The following LRRCC1 variants were observed in gnomAD, a reference collection of about 807,000 sequenced individuals.
LRRCC1 encodes leucine rich repeat and coiled-coil centrosomal protein 1.
In LRRCC1, 115 loss-of-function variants were observed where a neutral mutation model predicts 126.0. The observed-to-expected ratio is 0.91, with a 90% CI of 0.78 to 1.07. The LOEUF is 1.07. Among genes scored for constraint, LRRCC1 ranks in the 50% least tolerant of loss-of-function variants. The probability of loss-of-function intolerance (pLI) is 0.00; values close to 1 mark genes in which losing one functional copy is unlikely to be tolerated. For missense variants in LRRCC1, 1,172 were observed against 1,175.7 expected, an observed-to-expected ratio of 1.00 and a Z score of 0.05; for synonymous variants, 400 against 393.4, an observed-to-expected ratio of 1.02 and a Z score of -0.20.
chr8:85,134,609 C>T (rs1328658874), intron 12 of LRRCC1, among the ~76,000 whole-genome samples: 3 of 152,264 alleles, frequency 2.0e-5, no homozygotes, highest in Admixed American at 6.5e-5. Context: ...CATCAGCCAC[C>T]GCGCCCAGCC....
At position 85,145,414 on chromosome 8, in the gene LRRCC1, G is replaced by A. The variant is rs185434179; in HGVS notation, c.3002G>A (p.Arg1001His). 1,513 of 1,561,764 alleles carry A rather than the reference G, an allele frequency of 9.7e-4. No individual in the cohort carries two copies. The highest frequency in any genetic ancestry group is 1.2e-3 in the Non-Finnish European group (1,433 of 1,158,352). Residue 1001 changes from arginine (R) to histidine (H), a missense_variant, in exon 19 of 19, where the codon CGT (arginine) becomes CAT (histidine). Transcript: ENST00000360375. ...GTCCATCAAATTGAAAAAGAAATGC[G>A]TGAACTTTTGGAAGAAACATGCAAG... is the stretch of plus-strand genomic sequence containing the variant. Reference protein sequence around the residue: ...LKVHQIEKEMRELLEETCKNK... With the variant: ...LKVHQIEKEMHELLEETCKNK...
intron 2 of LRRCC1, 122 bp from the exon 3 acceptor site, chr8:85,109,993 T>A: frequency 1.6e-6 from 1 of 609,060 alleles, no homozygotes; most frequent in Non-Finnish European, 2.8e-6. Flanking sequence ...TAAAATTGAT[T>A]TCGCTGTTAC....
intron 8 of LRRCC1, 105 bp from the exon 9 acceptor site, chr8:85,126,584 C>G (rs1271736288): frequency 1.1e-6 from 1 of 925,988 alleles, no homozygotes; most frequent in Non-Finnish European, 1.6e-6. Context: ...CACTGTAGCT[C>G]TTTGAAGTAG....
At chr8:85,130,462 A>G (rs1173659372) in intron 11 of LRRCC1, among the ~76,000 whole-genome samples, 1 of 151,976 alleles carries the variant, frequency 6.6e-6, no homozygotes, top group Admixed American at 6.6e-5. Context: ...GTATTTAAAG[A>G]TAGTGATTGA....
At chr8:85,107,903 G>C (rs1161575930) in intron 1 of LRRCC1, among the ~76,000 whole-genome samples, 2 of 152,202 alleles carry the variant, frequency 1.3e-5, no homozygotes, top group African/African-American at 4.8e-5. Flanking sequence ...GTCCGTTACA[G>C]AACATTGCAA....
At chr8:85,144,509 T>C (rs572003378) in intron 18 of LRRCC1, among the ~76,000 whole-genome samples, 368 of 144,336 alleles carry the variant, frequency 2.5e-3, no homozygotes, top group Admixed American at 4.1e-3. Context: ...TTCACTCTTG[T>C]TCTGGCTGGA....
At chr8:85,118,216 A>C (rs1809267346) in intron 6 of LRRCC1, among the ~76,000 whole-genome samples, 1 of 151,870 alleles carries the variant, frequency 6.6e-6, no homozygotes, top group Admixed American at 6.6e-5. Context: ...AGTAGTTCTT[A>C]TTTCTATGTA....
rs745939387 is a variant in LRRCC1, at chr8:85,135,049, TTATA to T, written c.2154+19_2154+22del. The stretch of plus-strand genomic sequence containing the variant: ...AATTTACAGGTAAGACTTTGCAACA[TTATA>T]TGTTTTAAAATTTTTTTACATTATT... On this transcript the variant is annotated intron_variant, in intron 13 of 18. Coordinates refer to ENST00000360375, the MANE Select transcript of LRRCC1 (RefSeq NM_033402.5). 71 of 1,440,696 alleles carry T rather than the reference TTATA, an allele frequency of 4.9e-5. No individual in the cohort carries two copies. The highest frequency in any genetic ancestry group is 5.6e-5 in the Non-Finnish European group (62 of 1,097,498). 89.2% of individuals were successfully genotyped at this position (1,440,696 alleles called of 1,614,324 possible). A position where few individuals can be genotyped will look rare whatever the true frequency, so the allele number is the denominator to read the frequency against.
chr8:85,129,424 T>C (rs1810274135), intron 10 of LRRCC1, 45 bp downstream of exon 10: 2 of 1,459,712 alleles, frequency 1.4e-6, no homozygotes, highest in Non-Finnish European at 1.9e-6. Flanking sequence ...TTAACACAAA[T>C]TCATAGCTTC....
intron 17 of LRRCC1, among the ~76,000 whole-genome samples, chr8:85,139,615 G>C (rs550884523): frequency 7.2e-5 from 11 of 152,270 alleles, no homozygotes; most frequent in African/African-American, 2.6e-4. Context: ...GGCTGCCACT[G>C]TTCTGTGGGT....
chr8:85,142,250 G>A (rs923664805), intron 18 of LRRCC1, among the ~76,000 whole-genome samples: 5 of 151,998 alleles, frequency 3.3e-5, no homozygotes, highest in African/African-American at 9.7e-5. Context: ...CCGAGATTGC[G>A]CCACTGCACT....
chr8:85,110,990 A>G (rs762161743), intron 3 of LRRCC1, among the ~76,000 whole-genome samples: 9 of 152,250 alleles, frequency 5.9e-5, no homozygotes, highest in Admixed American at 5.9e-4. Context: ...TACAAAAAAT[A>G]AAAAGACCTA....
intron 3 of LRRCC1, 74 bp downstream of exon 3, chr8:85,110,254 C>T (rs954869033): frequency 2.8e-5 from 17 of 607,560 alleles, no homozygotes; most frequent in East Asian, 1.2e-4. Context: ...CTCAGCTAAA[C>T]ATGTTGGAAA....
At chr8:85,130,674 G>A (rs1326596541) in intron 11 of LRRCC1, among the ~76,000 whole-genome samples, 2 of 152,128 alleles carry the variant, frequency 1.3e-5, no homozygotes, top group Non-Finnish European at 1.5e-5. Flanking sequence ...TTTATATAGA[G>A]AGAAAATTTT....
intron 18 of LRRCC1, among the ~76,000 whole-genome samples, chr8:85,144,926 A>G (rs930195827): frequency 2.1e-4 from 31 of 149,746 alleles, no homozygotes; most frequent in Non-Finnish European, 4.6e-4. Flanking sequence ...AAAAAAATAA[A>G]AAAGTTAGCC....
chr8:85,109,307 C>G, intron 1 of LRRCC1: 1 of 358,702 alleles, frequency 2.8e-6, no homozygotes, highest in Non-Finnish European at 5.0e-6. Context: ...GACTACTATT[C>G]AGCACTGCCT....
Position 85,110,101 on chromosome 8 carries a change from CTTT to C in LRRCC1, c.311-5_311-3del. On this transcript the variant is annotated splice_polypyrimidine_tract_variant and intron_variant, in intron 2 of 18. Transcript: ENST00000360375. Reference sequence around the variant, plus strand: ...TTTATAAAGGCTTTATTTTATTTTACTTTTTTTTTTTAGGACTTGAAGAACTAA... The same window carrying C: ...TTTATAAAGGCTTTATTTTATTTTACTTTTTTTTAGGACTTGAAGAACTAA... 5 of 853,400 alleles carry C rather than the reference CTTT, an allele frequency of 5.9e-6. No homozygotes were observed. The highest frequency in any genetic ancestry group is 2.0e-5 in the South Asian group (1 of 50,720). 52.9% of individuals were successfully genotyped at this position (853,400 alleles called of 1,614,324 possible). A position where few individuals can be genotyped will look rare whatever the true frequency, so the allele number is the denominator to read the frequency against.
chr8:85,136,441 A>ATT, intron 14 of LRRCC1, among the ~76,000 whole-genome samples: 1 of 151,854 alleles, frequency 6.6e-6, no homozygotes, highest in Non-Finnish European at 1.5e-5. Context: ...CACCTGGCTA[A>ATT]TTTTTGTATT....
chr8:85,115,851 T>G (rs1198886064), intron 6 of LRRCC1, among the ~76,000 whole-genome samples: 1 of 152,206 alleles, frequency 6.6e-6, no homozygotes, highest in Non-Finnish European at 1.5e-5. Flanking sequence ...TTACATTACT[T>G]CTATTACACC....
Sources: gnomAD v4.1 joint callset for allele counts (sites outside exome capture counted in the v4.1 genomes callset) on GRCh38, gnomAD v4.1.1 for gene constraint, MANE v1.5 for transcripts, NCBI Gene and HGNC (gene_info 2026-07-23, HGNC 2026-07-21) for gene names.